Variants in AKAP6 observed in about 807,000 individuals in gnomAD.
AKAP6 encodes A-kinase anchor protein 6.
A neutral mutation model predicts 188.5 loss-of-function variants in AKAP6; 58 were observed. That is an observed-to-expected ratio of 0.31 (90% CI 0.25 to 0.38). The LOEUF is 0.38. Among genes scored for constraint, AKAP6 ranks in the 10% least tolerant of loss-of-function variants. The pLI is 1.00. For synonymous variants in AKAP6, 989 were observed against 998.6 expected (o/e 0.99, Z 0.18); for missense variants, 2,710 against 2,740.0 (o/e 0.99, Z 0.24).
chr14:32,748,072 G>T (rs905966091), intron 11 of AKAP6, among the ~76,000 whole-genome samples: 2 of 152,186 alleles, frequency 1.3e-5, no homozygotes, highest in African/African-American at 4.8e-5. Flanking sequence ...TGAAACCAGA[G>T]AATGAATGTT....
rs145259335 is a variant in AKAP6, at chr14:32,754,807, A to C, written c.3373-18871A>C. On this transcript the variant is annotated intron_variant, in intron 11 of 13. Transcript: ENST00000280979. ...CAAGAATACTTTCTTTTCCTTTAGC[A>C]CTTTGAATATATCTTCCCACTCTTT... Among the ~76,000 whole-genome samples the C allele has an allele frequency of 1.6e-3, 241 of 152,146 alleles. 1 individual carries two copies. The highest frequency in any genetic ancestry group is 5.4e-3 in the African/African-American group (226 of 41,512).
Position 32,600,673 on chromosome 14 carries a change from C to G in AKAP6, c.2611C>G (p.Leu871Val). ...LRMIASQWKE[L>V]QRQIKRQHSW... ...GATGATTGCAAGTCAATGGAAGGAG[C>G]TGCAGAGGCAAATCAAACGGCAGCA... The change falls in exon 7 of 14, where the codon CTG (leucine) becomes GTG (valine). Residue 871 changes from leucine to valine, a missense_variant. Physicochemically the swap from Leu to Val is conservative, Grantham distance 32. This residue lies in a region of AKAP6 where 2,473 missense variants were observed against 2,426.1 expected (regional missense o/e 1.02). Transcript: ENST00000280979. 1 of 1,613,550 alleles carries G rather than the reference C, an allele frequency of 6.2e-7. No individual in the cohort carries two copies. The highest frequency in any genetic ancestry group is 8.5e-7 in the Non-Finnish European group (1 of 1,179,758).
intron 1 of AKAP6, among the ~76,000 whole-genome samples, chr14:32,420,332 A>T (rs142849385): frequency 4.6e-5 from 7 of 152,052 alleles, no homozygotes; most frequent in Non-Finnish European, 8.8e-5. Flanking sequence ...TCATTCCCCT[A>T]CCCTGTCTCT....
At chr14:32,507,599 A>G (rs1344475353) in intron 2 of AKAP6, among the ~76,000 whole-genome samples, 3 of 149,834 alleles carry the variant, frequency 2.0e-5, no homozygotes. Context: ...GCAGCAAGGT[A>G]TTTCACTCAG....
At chr14:32,593,642 A>G (rs925699277) in intron 5 of AKAP6, among the ~76,000 whole-genome samples, 2 of 152,214 alleles carry the variant, frequency 1.3e-5, no homozygotes, top group East Asian at 1.9e-4. Flanking sequence ...CAAGCTGCCT[A>G]TGCTTAACTG....
intron 1 of AKAP6, among the ~76,000 whole-genome samples, chr14:32,339,837 G>A (rs971407129): frequency 6.6e-6 from 1 of 152,112 alleles, no homozygotes; most frequent in East Asian, 1.9e-4. Flanking sequence ...AATTAAGAGA[G>A]CCTAATTCTA....
At chr14:32,782,921 T>G (rs2033296223) in intron 12 of AKAP6, among the ~76,000 whole-genome samples, 1 of 152,078 alleles carries the variant, frequency 6.6e-6, no homozygotes, top group Non-Finnish European at 1.5e-5. Flanking sequence ...AAAATTCATT[T>G]GGAAATGCAA....
At chr14:32,579,052 C>A (rs1884853241) in intron 5 of AKAP6, among the ~76,000 whole-genome samples, 1 of 152,106 alleles carries the variant, frequency 6.6e-6, no homozygotes. Flanking sequence ...TGAAATGTGG[C>A]TAATGCAACT....
At chr14:32,704,368 G>T (rs1890730574) in intron 9 of AKAP6, among the ~76,000 whole-genome samples, 1 of 152,094 alleles carries the variant, frequency 6.6e-6, no homozygotes, top group South Asian at 2.1e-4. Flanking sequence ...TTTTGCTTTA[G>T]CCCCAGATAT....
intron 12 of AKAP6, 40 bp from the exon 13 acceptor site, chr14:32,821,362 C>T: frequency 1.3e-6 from 2 of 1,531,348 alleles, no homozygotes; most frequent in South Asian, 1.3e-5. Context: ...TGCTTGTGTT[C>T]CCTAATTCTT....
intron 9 of AKAP6, among the ~76,000 whole-genome samples, chr14:32,713,251 C>T (rs2029991278): frequency 6.6e-6 from 1 of 152,070 alleles, no homozygotes; most frequent in African/African-American, 2.4e-5. Flanking sequence ...AACTGTCATC[C>T]AGGCTTTGTT....
At chr14:32,497,460 C>T (rs1443616205) in intron 2 of AKAP6, among the ~76,000 whole-genome samples, 1 of 152,068 alleles carries the variant, frequency 6.6e-6, no homozygotes, top group East Asian at 1.9e-4. Flanking sequence ...GGTCAGAGAA[C>T]ATACTTTTTA....
intron 8 of AKAP6, among the ~76,000 whole-genome samples, chr14:32,690,814 A>G (rs1333563884): frequency 6.6e-6 from 1 of 152,222 alleles, no homozygotes; most frequent in African/African-American, 2.4e-5. Flanking sequence ...TAAGCTACCT[A>G]CATCAGAATG....
intron 9 of AKAP6, among the ~76,000 whole-genome samples, chr14:32,700,463 TTA>T (rs1184195627): frequency 6.6e-6 from 1 of 152,206 alleles, no homozygotes; most frequent in Admixed American, 6.5e-5. Flanking sequence ...GAACGATAGC[TTA>T]CCTGCTCCTC....
At chr14:32,788,074 G>A (rs1367486857) in intron 12 of AKAP6, among the ~76,000 whole-genome samples, 2 of 150,228 alleles carry the variant, frequency 1.3e-5, no homozygotes, top group Admixed American at 6.6e-5. Flanking sequence ...AAGGTGGGAA[G>A]GAAGAAATGA....
At chr14:32,398,987 C>G (rs541834014) in intron 1 of AKAP6, among the ~76,000 whole-genome samples, 134 of 151,484 alleles carry the variant, frequency 8.8e-4, no homozygotes, top group African/African-American at 3.1e-3. Context: ...TCCCAAGTAG[C>G]TGGGACCAGG....
chr14:32,643,706 C>T (rs1394523038), intron 7 of AKAP6, among the ~76,000 whole-genome samples: 2 of 152,042 alleles, frequency 1.3e-5, no homozygotes, highest in Non-Finnish European at 2.9e-5. Flanking sequence ...AATATTTGAG[C>T]TATTTAACAA....
chr14:32,334,495 T>A (rs1482186548), intron 1 of AKAP6, among the ~76,000 whole-genome samples: 1 of 152,220 alleles, frequency 6.6e-6, no homozygotes, highest in Non-Finnish European at 1.5e-5. Flanking sequence ...AAGCTCAAGA[T>A]TAGTGATGCT....
At chr14:32,552,706 G>A (rs1229018302) in intron 4 of AKAP6, among the ~76,000 whole-genome samples, 3 of 152,188 alleles carry the variant, frequency 2.0e-5, no homozygotes, top group African/African-American at 7.2e-5. Context: ...GCAAAGGGCA[G>A]TAGTTGAAAG....
Sources: allele counts gnomAD v4.1 joint callset (sites outside exome capture counted in the v4.1 genomes callset), GRCh38; gene constraint gnomAD v4.1.1; regional missense constraint gnomAD v4.1.1; transcripts MANE v1.5; gene names NCBI Gene and HGNC (gene_info 2026-07-23, HGNC 2026-07-21).